ZDHHC14: variants seen among roughly 807,000 people sequenced by gnomAD.
The protein encoded by ZDHHC14 is zDHHC palmitoyltransferase 14.
A neutral mutation model predicts 47.7 loss-of-function variants in ZDHHC14; 16 were observed. The ratio of observed to expected loss-of-function variants is 0.34; its 90% CI spans 0.23 to 0.51. ZDHHC14 has a LOEUF of 0.51. Ranked by LOEUF, ZDHHC14 falls within the 20% of genes least tolerant of loss-of-function variation. The probability of loss-of-function intolerance (pLI) is 0.97; values close to 1 mark genes in which losing one functional copy is unlikely to be tolerated. For missense variants in ZDHHC14, 515 were observed against 662.5 expected (o/e 0.78, Z 2.44); for synonymous variants, 293 against 278.9 (o/e 1.05, Z -0.50).
intron 1 of ZDHHC14, among the ~76,000 whole-genome samples, chr6:157,398,445 C>G (rs905674488): frequency 6.6e-6 from 1 of 152,180 alleles, no homozygotes. Context: ...TGAGGGCCTG[C>G]TGAGCCATCC....
At chr6:157,568,925 C>G (rs1405473705) in intron 2 of ZDHHC14, among the ~76,000 whole-genome samples, 1 of 151,860 alleles carries the variant, frequency 6.6e-6, no homozygotes, top group African/African-American at 2.4e-5. Context: ...TCTTTTTTGC[C>G]CATTTTATCA....
chr6:157,513,125 T>C (rs931796160), intron 1 of ZDHHC14, among the ~76,000 whole-genome samples: 5 of 152,232 alleles, frequency 3.3e-5, no homozygotes, highest in Admixed American at 6.5e-5. Context: ...CTAAGGAGAT[T>C]CTTTAGCCCA....
intron 1 of ZDHHC14, among the ~76,000 whole-genome samples, chr6:157,493,719 AG>A (rs1779984922): frequency 6.6e-6 from 1 of 152,234 alleles, no homozygotes; most frequent in South Asian, 2.1e-4. Flanking sequence ...TTTGGGGTGC[AG>A]AAGCTTTTCC....
At chr6:157,438,646 G>C (rs1417484412) in intron 1 of ZDHHC14, among the ~76,000 whole-genome samples, 1 of 152,336 alleles carries the variant, frequency 6.6e-6, no homozygotes, top group East Asian at 1.9e-4. Context: ...TTGTGTCTTT[G>C]TAAGACTTTC....
chr6:157,468,300 T>C (rs1052457425), intron 1 of ZDHHC14, among the ~76,000 whole-genome samples: 1 of 152,228 alleles, frequency 6.6e-6, no homozygotes, highest in African/African-American at 2.4e-5. Context: ...AATCTGGCTC[T>C]GAACGCGGAG....
At chr6:157,631,276 C>T (rs569255811) in intron 4 of ZDHHC14, 71 of 152,370 alleles carry the variant, frequency 4.7e-4, no homozygotes, top group African/African-American at 1.7e-3. Context: ...CACCTGGCTC[C>T]ACCAAACTGG....
At chr6:157,531,487 CACCA>C (rs1158936158) in intron 1 of ZDHHC14, among the ~76,000 whole-genome samples, 1 of 152,086 alleles carries the variant, frequency 6.6e-6, no homozygotes, top group Non-Finnish European at 1.5e-5. Flanking sequence ...AGAAAGGCTT[CACCA>C]ACACCCCCCG....
intron 1 of ZDHHC14, among the ~76,000 whole-genome samples, chr6:157,472,656 C>T (rs561140041): frequency 6.6e-6 from 1 of 152,270 alleles, no homozygotes; most frequent in Non-Finnish European, 1.5e-5. Flanking sequence ...CAAGATGCTA[C>T]TTTTTGTATG....
chr6:157,508,848 C>A, intron 1 of ZDHHC14, among the ~76,000 whole-genome samples: 1 of 151,982 alleles, frequency 6.6e-6, no homozygotes, highest in East Asian at 1.9e-4. Flanking sequence ...TGTTCTCTAA[C>A]TGTTCTTTTT....
At chr6:157,395,327 ATTT>A (rs566892431) in intron 1 of ZDHHC14, among the ~76,000 whole-genome samples, 1 of 133,216 alleles carries the variant, frequency 7.5e-6, no homozygotes. Flanking sequence ...CACCTAGCTA[ATTT>A]TTTTTTTTTT....
intron 5 of ZDHHC14, among the ~76,000 whole-genome samples, chr6:157,644,660 G>T (rs935428966): frequency 1.3e-5 from 2 of 152,224 alleles, no homozygotes; most frequent in Non-Finnish European, 2.9e-5. Context: ...ATTATCTCCA[G>T]CCTGGAGAAG....
intron 4 of ZDHHC14, chr6:157,631,297 A>G (rs1385393910): frequency 6.6e-6 from 1 of 152,238 alleles, no homozygotes; most frequent in Non-Finnish European, 1.5e-5. Context: ...ATTTTACCAT[A>G]GTCTATACTT....
At chr6:157,557,896 C>T (rs565876331) in intron 2 of ZDHHC14, among the ~76,000 whole-genome samples, 1 of 152,350 alleles carries the variant, frequency 6.6e-6, no homozygotes, top group South Asian at 2.1e-4. Context: ...TGAATTTCCC[C>T]TGATTTCCAA....
chr6:157,409,750 G>T (rs1227385386), intron 1 of ZDHHC14, among the ~76,000 whole-genome samples: 1 of 152,088 alleles, frequency 6.6e-6, no homozygotes, highest in Non-Finnish European at 1.5e-5. Context: ...GTTTCCGAGT[G>T]GTTTCCCATC....
At chr6:157,605,475 G>A (rs778316881) in intron 3 of ZDHHC14, among the ~76,000 whole-genome samples, 1 of 152,200 alleles carries the variant, frequency 6.6e-6, no homozygotes, top group Non-Finnish European at 1.5e-5. Context: ...TTTGGAGGAA[G>A]TCTTCCCTGT....
chr6:157,512,204 A>G (rs989207129), intron 1 of ZDHHC14, among the ~76,000 whole-genome samples: 2 of 152,218 alleles, frequency 1.3e-5, no homozygotes, highest in Non-Finnish European at 2.9e-5. Flanking sequence ...CTAAAGTCAC[A>G]TGGCAAGTAA....
At chr6:157,422,467 AG>A (rs1467128729) in intron 1 of ZDHHC14, among the ~76,000 whole-genome samples, 1 of 152,190 alleles carries the variant, frequency 6.6e-6, no homozygotes, top group East Asian at 1.9e-4. Flanking sequence ...GCTATTATGA[AG>A]CTAAACTCAG....
At chr6:157,423,775 A>G (rs1778156520) in intron 1 of ZDHHC14, among the ~76,000 whole-genome samples, 1 of 152,084 alleles carries the variant, frequency 6.6e-6, no homozygotes, top group Non-Finnish European at 1.5e-5. Flanking sequence ...GCCGATTTAA[A>G]CTCTCACCAC....
At chr6:157,611,079 A>G (rs562974040) in intron 3 of ZDHHC14, among the ~76,000 whole-genome samples, 45 of 152,204 alleles carry the variant, frequency 3.0e-4, no homozygotes, top group African/African-American at 1.0e-3. Context: ...CTGTGATGCA[A>G]TCTCCACCTC....
Sources: gnomAD v4.1 joint callset for allele counts (sites outside exome capture counted in the v4.1 genomes callset) on GRCh38, gnomAD v4.1.1 for gene constraint, MANE v1.5 for transcripts, NCBI Gene and HGNC (gene_info 2026-07-23, HGNC 2026-07-21) for gene names.